Variants in NXN observed in about 807,000 individuals in gnomAD.
The protein encoded by NXN is nucleoredoxin, also known as nucleoredoxin 1.
A neutral mutation model predicts 48.6 loss-of-function variants in NXN; 16 were observed. The ratio of observed to expected loss-of-function variants is 0.33; its 90% confidence interval spans 0.22 to 0.50. NXN has a LOEUF of 0.50. Among genes scored for constraint, NXN ranks in the 20% least tolerant of loss-of-function variants. NXN has a pLI of 0.98. For missense variants in NXN, 492 were observed against 605.5 expected (o/e 0.81, Z 1.97); for synonymous variants, 281 against 269.6 (o/e 1.04, Z -0.41).
intron 1 of NXN, among the ~76,000 whole-genome samples, chr17:964,535 T>A (rs1205157081): frequency 6.6e-6 from 1 of 152,198 alleles, no homozygotes; most frequent in Non-Finnish European, 1.5e-5. Flanking sequence ...CATCCAAGGG[T>A]TGAAGCCGGG....
At position 834,277 on chromosome 17, in the gene NXN, G is replaced by A. The variant is rs76536835; in HGVS notation, c.361-8199C>T. Among the ~76,000 whole-genome samples, 62 of 152,310 alleles carry A rather than the reference G, an allele frequency of 4.1e-4. No homozygotes were observed. In the East Asian group the frequency reaches 8.9e-3, roughly 22 times the overall value. Reference sequence around the variant, plus strand: ...GTCAAGGCTACGATGAGCTGTGATCGTGTCACTGCACCCCAGCATGAGTGA... The same window carrying A: ...GTCAAGGCTACGATGAGCTGTGATCATGTCACTGCACCCCAGCATGAGTGA... On this transcript the variant is annotated intron_variant, in intron 1 of 7. Coordinates refer to ENST00000336868, the MANE Select transcript of NXN (RefSeq NM_022463.5).
intron 1 of NXN, among the ~76,000 whole-genome samples, chr17:939,072 A>G (rs1406913844): frequency 6.6e-6 from 1 of 152,116 alleles, no homozygotes; most frequent in Admixed American, 6.6e-5. Flanking sequence ...AGAAAGAAAG[A>G]AAAGAACAAA....
At chr17:804,925 G>A (rs1190697043) in intron 6 of NXN, 143 bp downstream of exon 6, 2 of 881,838 alleles carry the variant, frequency 2.3e-6, no homozygotes, top group Admixed American at 5.0e-5. Context: ...GGGGTCAAAA[G>A]CAAGGCTTCA....
At chr17:931,550 T>A (rs910962935) in intron 1 of NXN, among the ~76,000 whole-genome samples, 1 of 151,946 alleles carries the variant, frequency 6.6e-6, no homozygotes, top group East Asian at 1.9e-4. Context: ...TTTAAAAAAA[T>A]TTTTGGCCGG....
chr17:835,017 C>T (rs1173295881), intron 1 of NXN, among the ~76,000 whole-genome samples: 2 of 151,382 alleles, frequency 1.3e-5, no homozygotes, highest in African/African-American at 2.4e-5. Flanking sequence ...CAACAGAAAA[C>T]GTCACAGCAG....
chr17:921,031 C>G (rs2068746135), intron 1 of NXN, among the ~76,000 whole-genome samples: 1 of 152,040 alleles, frequency 6.6e-6, no homozygotes, highest in Non-Finnish European at 1.5e-5. Context: ...CTCTATGTGA[C>G]CTTTATATGT....
chr17:970,144 C>T (rs1437131161), intron 1 of NXN, among the ~76,000 whole-genome samples: 10 of 152,154 alleles, frequency 6.6e-5, no homozygotes, highest in Admixed American at 6.6e-5. Flanking sequence ...CTTTTAATCA[C>T]GGAGGCCACA....
At chr17:856,022 G>A (rs2067982474) in intron 1 of NXN, among the ~76,000 whole-genome samples, 1 of 152,076 alleles carries the variant, frequency 6.6e-6, no homozygotes, top group African/African-American at 2.4e-5. Context: ...GTGAAACCCT[G>A]TCTCTACTAA....
chr17:847,658 T>C (rs1472866088), intron 1 of NXN, among the ~76,000 whole-genome samples: 2 of 152,104 alleles, frequency 1.3e-5, no homozygotes, highest in Admixed American at 1.3e-4. Flanking sequence ...GATGCCTTTA[T>C]ATAGAAACGG....
intron 1 of NXN, among the ~76,000 whole-genome samples, chr17:833,097 C>T (rs940929689): frequency 7.2e-5 from 11 of 151,858 alleles, no homozygotes; most frequent in East Asian, 3.9e-4. Flanking sequence ...TTTACCGTGT[C>T]AGCCAGGATG....
At chr17:853,724 T>TATA (rs61572573) in intron 1 of NXN, among the ~76,000 whole-genome samples, 1,030 of 69,922 alleles carry the variant, frequency 0.015, 8 homozygotes, top group African/African-American at 0.031. Flanking sequence ...TATATATATA[T>TATA]TTTTTTTTTT....
intron 5 of NXN, among the ~76,000 whole-genome samples, chr17:818,793 G>A (rs2144630652): frequency 6.6e-6 from 1 of 151,678 alleles, no homozygotes; most frequent in African/African-American, 2.4e-5. Flanking sequence ...GCTGAGGCAG[G>A]AGAATGGCGT....
intron 1 of NXN, among the ~76,000 whole-genome samples, chr17:967,441 A>G (rs1173223211): frequency 2.6e-5 from 4 of 152,338 alleles, no homozygotes; most frequent in African/African-American, 9.6e-5. Flanking sequence ...AAGCTGACCT[A>G]TATCTGGACC....
chr17:960,014 C>T (rs1229234263), intron 1 of NXN, among the ~76,000 whole-genome samples: 1 of 152,174 alleles, frequency 6.6e-6, no homozygotes, highest in East Asian at 1.9e-4. Flanking sequence ...ATCGCTTGAA[C>T]CCGGGGGGCA....
intron 1 of NXN, among the ~76,000 whole-genome samples, chr17:965,828 T>C (rs1378382535): frequency 6.6e-6 from 1 of 151,556 alleles, no homozygotes; most frequent in Non-Finnish European, 1.5e-5. Context: ...ATGGTGTGAC[T>C]TCAACAGACA....
At chr17:817,581 A>C (rs1192897957) in intron 5 of NXN, among the ~76,000 whole-genome samples, 1 of 151,594 alleles carries the variant, frequency 6.6e-6, no homozygotes. Context: ...AGGCAGGAGA[A>C]TGGCGTGAAC....
chr17:857,374 C>T (rs2067997133), intron 1 of NXN, among the ~76,000 whole-genome samples: 1 of 152,196 alleles, frequency 6.6e-6, no homozygotes, highest in Non-Finnish European at 1.5e-5. Context: ...GATTCTCCTG[C>T]CTCAGCCTAC....
chr17:939,174 T>G (rs1357669630), intron 1 of NXN, among the ~76,000 whole-genome samples: 1 of 152,190 alleles, frequency 6.6e-6, no homozygotes, highest in Non-Finnish European at 1.5e-5. Flanking sequence ...ACCAAAGATG[T>G]GCACAGAGAA....
At chr17:885,657 G>A (rs960648376) in intron 1 of NXN, among the ~76,000 whole-genome samples, 1 of 149,496 alleles carries the variant, frequency 6.7e-6, no homozygotes, top group East Asian at 2.0e-4. Context: ...GCCCACCTGG[G>A]GGCTGCGGTA....
Sources: allele counts gnomAD v4.1 joint callset (sites outside exome capture counted in the v4.1 genomes callset), GRCh38; gene constraint gnomAD v4.1.1; transcripts MANE v1.5; gene names NCBI Gene and HGNC (gene_info 2026-07-23, HGNC 2026-07-21).